MBIP: variants seen among roughly 807,000 people sequenced by gnomAD.
MBIP encodes MAP3K12 binding inhibitory protein 1.
MBIP carries 32 observed loss-of-function variants against 45.7 expected under a neutral mutation model. That is an observed-to-expected ratio of 0.70 (90% CI 0.53 to 0.94). The LOEUF (loss-of-function observed/expected upper bound fraction) is 0.94. MBIP is among the 40% of genes least tolerant of loss of function. MBIP has a pLI of 0.00. For synonymous variants in MBIP, 145 were observed against 141.0 expected (o/e 1.03, Z -0.20); for missense variants, 381 against 405.5 (o/e 0.94, Z 0.52).
intron 6 of MBIP, among the ~76,000 whole-genome samples, chr14:36,309,506 C>T (rs990901214): frequency 6.6e-6 from 1 of 152,098 alleles, no homozygotes; most frequent in African/African-American, 2.4e-5. Context: ...ACATGATTAG[C>T]CAATCATTAT....
chr14:36,311,310 T>C (rs1880189490), intron 6 of MBIP, among the ~76,000 whole-genome samples: 1 of 152,064 alleles, frequency 6.6e-6, no homozygotes, highest in South Asian at 2.1e-4. Flanking sequence ...TTTTTAGAGT[T>C]GTCACTTAGT....
Position 36,314,845 on chromosome 14 carries a change from G to T in MBIP, c.320C>A (p.Thr107Lys). The T allele has an allele frequency of 6.2e-7, 1 of 1,613,248 alleles. No homozygotes were observed. The highest frequency in any genetic ancestry group is 2.2e-5 in the East Asian group (1 of 44,826). Residue 107 changes from threonine (T) to lysine (K), a missense_variant, in exon 3 of 9, where the codon ACA (threonine) becomes AAA (lysine). Thr to Lys is a moderately conservative substitution (Grantham distance 78). Coordinates refer to ENST00000416007, the MANE Select transcript of MBIP (RefSeq NM_016586.3). ...NTTAVEEIGRTEMGNKNEVND... is the reference protein window; with the variant it reads ...NTTAVEEIGRKEMGNKNEVND... Reference sequence around the variant, plus strand: ...TACTTCATTTTTGTTCCCCATTTCTGTTCTTCCTATCTCTTCAACAGCAGT... The same window carrying T: ...TACTTCATTTTTGTTCCCCATTTCTTTTCTTCCTATCTCTTCAACAGCAGT...
chr14:36,306,149 T>C (rs887601910), intron 7 of MBIP, among the ~76,000 whole-genome samples: 1 of 152,192 alleles, frequency 6.6e-6, no homozygotes, highest in African/African-American at 2.4e-5. Context: ...ACAATCTGGC[T>C]ACTTCTACCT....
intron 1 of MBIP, 108 bp from the exon 2 acceptor site, chr14:36,316,920 A>G (rs909168511): frequency 8.5e-7 from 1 of 1,176,342 alleles, no homozygotes. Flanking sequence ...TTTTGCTCTA[A>G]GTTATCAAGT....
At chr14:36,317,689 A>G (rs533196397) in intron 1 of MBIP, among the ~76,000 whole-genome samples, 2 of 152,234 alleles carry the variant, frequency 1.3e-5, no homozygotes, top group South Asian at 4.1e-4. Context: ...TGAATGAATA[A>G]AAGTGAACCA....
intron 7 of MBIP, among the ~76,000 whole-genome samples, chr14:36,307,784 T>C (rs1879969612): frequency 6.6e-6 from 1 of 152,102 alleles, no homozygotes; most frequent in Non-Finnish European, 1.5e-5. Flanking sequence ...TTTTACAAGG[T>C]AGCAAGTTCA....
Position 36,304,900 on chromosome 14 carries a change from G to A in MBIP, c.888+3192C>T, listed in dbSNP as rs547927029. 2.0e-5 allele frequency among the ~76,000 whole-genome samples: 3 copies of A among 152,276 alleles called. No individual in the cohort carries two copies. The South Asian group carries it at 6.2e-4, about 32-fold the overall frequency. Reference sequence around the variant, plus strand: ...CCCCATGTTTAGAATTCATCTACATGTGAATCTGAATAAACACATTTCAAT... The same window carrying A: ...CCCCATGTTTAGAATTCATCTACATATGAATCTGAATAAACACATTTCAAT... On this transcript the variant is annotated intron_variant, in intron 7 of 8. Coordinates refer to ENST00000416007, the MANE Select transcript of MBIP (RefSeq NM_016586.3).
rs1449539102 is a variant in MBIP, at chr14:36,316,832, C to A, written c.130-20G>T. 3 of 1,586,606 alleles carry A rather than the reference C, an allele frequency of 1.9e-6. No homozygotes were observed. The highest frequency in any genetic ancestry group is 2.7e-5 in the African/African-American group (2 of 73,192). On this transcript the variant is annotated intron_variant, in intron 1 of 8. Coordinates refer to ENST00000416007, the MANE Select transcript of MBIP (RefSeq NM_016586.3). Reference sequence around the variant, plus strand: ...GTCAAGCTTCAAAGGGGCAAACCAGCAACATCACAAAAATTACACGATTAA... The same window carrying A: ...GTCAAGCTTCAAAGGGGCAAACCAGAAACATCACAAAAATTACACGATTAA...
chr14:36,314,079 G>C (rs1446740727), intron 4 of MBIP: 2 of 155,654 alleles, frequency 1.3e-5, no homozygotes, highest in African/African-American at 4.8e-5. Flanking sequence ...AAACAGCTCA[G>C]GAGTAGTGAG....
chr14:36,309,184 T>C (rs541378341), intron 6 of MBIP, among the ~76,000 whole-genome samples: 11 of 152,200 alleles, frequency 7.2e-5, no homozygotes, highest in Non-Finnish European at 1.2e-4. Context: ...AAAAGTTACC[T>C]TATCAGTAAC....
chr14:36,315,148 G>A (rs1455066443), intron 2 of MBIP, among the ~76,000 whole-genome samples: 7 of 151,562 alleles, frequency 4.6e-5, no homozygotes, highest in Admixed American at 1.3e-4. Context: ...AAAGGAGAGA[G>A]GAAAAAAGAA....
chr14:36,313,028 T>C (rs1318297854), intron 4 of MBIP, among the ~76,000 whole-genome samples: 1 of 152,148 alleles, frequency 6.6e-6, no homozygotes, highest in Non-Finnish European at 1.5e-5. Flanking sequence ...AATACATTTG[T>C]ATTTTTTTCA....
At chr14:36,320,251 G>C (rs1354539427) in intron 1 of MBIP, among the ~76,000 whole-genome samples, 1 of 152,150 alleles carries the variant, frequency 6.6e-6, no homozygotes, top group Non-Finnish European at 1.5e-5. Flanking sequence ...GGGGAGGACA[G>C]CTGCAAGGTA....
At position 36,320,562 on chromosome 14, in the gene MBIP, G is replaced by C; in HGVS notation, c.27C>G (p.Arg9=). 1.2e-6 allele frequency: 2 copies of C among 1,613,052 alleles called. No individual in the cohort carries two copies. The highest frequency in any genetic ancestry group is 1.7e-6 in the Non-Finnish European group (2 of 1,179,532). The change falls in exon 1 of 9, where the codon CGC becomes CGG. Residue 9 remains arginine (R), a synonymous_variant. Coordinates refer to ENST00000416007, the MANE Select transcript of MBIP (RefSeq NM_016586.3). The part of the protein sequence containing the change: MAAATELN[R]PSSGDRNLER... ...CCAGGTTCCTGTCACCGCTGCTCGG[G>C]CGATTAAGCTCCGTGGCAGCAGCCA... is the stretch of plus-strand genomic sequence containing the variant.
At position 36,320,516 on chromosome 14, in the gene MBIP, G is replaced by T; in HGVS notation, c.73C>A (p.Leu25Ile). 1 of 1,613,996 alleles carries T rather than the reference G, an allele frequency of 6.2e-7. No homozygotes were observed. The highest frequency in any genetic ancestry group is 8.5e-7 in the Non-Finnish European group (1 of 1,179,980). The change falls in exon 1 of 9, where the codon CTC (leucine) becomes ATC (isoleucine). Residue 25 changes from leucine (L) to isoleucine (I), a missense_variant. Physicochemically the swap from Leu to Ile is conservative, Grantham distance 5. Coordinates refer to ENST00000416007, the MANE Select transcript of MBIP (RefSeq NM_016586.3). ...RNLERRCRPNLSREVLYEIFR... is the reference protein window; with the variant it reads ...RNLERRCRPNISREVLYEIFR... The stretch of plus-strand genomic sequence containing the variant: ...ATTTCGTAGAGCACCTCTCGGGAGA[G>T]GTTGGGTCTGCATCTTCGCTCCAGG...
chr14:36,316,701 A>G lies in MBIP; in HGVS notation c.241T>C (p.Tyr81His), dbSNP rs775160562. 8.7e-6 allele frequency: 14 copies of G among 1,602,718 alleles called. No homozygotes were observed. The highest frequency in any genetic ancestry group is 2.2e-5 in the East Asian group (1 of 44,766). Residue 81 changes from tyrosine (Y) to histidine (H), a missense_variant, in exon 2 of 9, where the codon TAT becomes CAT. Coordinates refer to ENST00000416007, the MANE Select transcript of MBIP (RefSeq NM_016586.3). The stretch of plus-strand genomic sequence containing the variant: ...TCTAACAAGAAATTTACCTGTAAAT[A>G]TAAAATGTGTTGTTCAAGTGCACTA... ...LFSALEQHIL[Y>H]LQPFLAKLQS...
rs1438089703 is a variant in MBIP at position 36,314,689 on chromosome 14, A to T, written c.474+2T>A. 5.0e-6 allele frequency: 8 copies of T among 1,612,650 alleles called. No individual in the cohort carries two copies. Among genetic ancestry groups the T allele is most frequent in the South Asian group, 4.4e-5 (4 of 90,922 alleles). ...CTCGCCCCCGCCAAAAAACCTTCTT[A>T]CTTCTGCTTTTCCAGCCTTTATCTG... On this transcript the variant is annotated splice_donor_variant, in intron 3 of 8. Transcript: ENST00000416007. LOFTEE classifies it high-confidence loss of function.
chr14:36,307,772 T>C (rs1467490032), intron 7 of MBIP, among the ~76,000 whole-genome samples: 1 of 152,188 alleles, frequency 6.6e-6, no homozygotes, highest in Non-Finnish European at 1.5e-5. Context: ...AGGAAGCCTC[T>C]GTTTTACAAG....
chr14:36,300,602 C>A (rs1879483323), intron 8 of MBIP, among the ~76,000 whole-genome samples, 183 bp downstream of exon 8: 1 of 152,212 alleles, frequency 6.6e-6, no homozygotes, highest in South Asian at 2.1e-4. Flanking sequence ...CTATCTGAGT[C>A]ATTCCATGCC....
Sources: gnomAD v4.1 joint callset for allele counts (sites outside exome capture counted in the v4.1 genomes callset) on GRCh38, gnomAD v4.1.1 for gene constraint, MANE v1.5 for transcripts, NCBI Gene and HGNC (gene_info 2026-07-23, HGNC 2026-07-21) for gene names.